Variants in CHD2 observed in about 807,000 individuals in gnomAD.
CHD2 encodes chromodomain helicase DNA binding protein 2.
CHD2 carries 28 observed loss-of-function variants against 243.9 expected under a neutral mutation model. The ratio of observed to expected loss-of-function variants is 0.11; its 90% CI spans 0.09 to 0.16. The LOEUF is 0.16. Among genes scored for constraint, CHD2 ranks in the 10% least tolerant of loss-of-function variants. The pLI is 1.00. For synonymous variants in CHD2, 775 were observed against 779.0 expected (o/e 0.99, Z 0.09); for missense variants, 1,386 against 2,209.8 (o/e 0.63, Z 7.47).
At chr15:93,005,561 T>G (rs1427796410) in intron 34 of CHD2, among the ~76,000 whole-genome samples, 1 of 152,302 alleles carries the variant, frequency 6.6e-6, no homozygotes, top group South Asian at 2.1e-4. Flanking sequence ...TCTTTCAAAT[T>G]TGAAAATACT....
intron 12 of CHD2, among the ~76,000 whole-genome samples, 199 bp from the exon 13 acceptor site, chr15:92,948,753 G>T (rs2053510782): frequency 6.6e-6 from 1 of 152,132 alleles, no homozygotes; most frequent in Admixed American, 6.5e-5. Flanking sequence ...GCAGGAGAAT[G>T]GCGTGAACCC....
intron 5 of CHD2, among the ~76,000 whole-genome samples, chr15:92,933,101 G>A (rs1008973390): frequency 7.6e-5 from 11 of 144,712 alleles, no homozygotes; most frequent in Non-Finnish European, 9.0e-5. Context: ...GTGCACATGT[G>A]TGGCCATAGC....
rs771629875 is a variant in CHD2 at position 92,974,970 on chromosome 15, G to C, written c.2577+20G>C. ...TCTGAGGTATACTATGCATGGCTTT[G>C]TTATTTGAGCAACTTGGGCTCTGCA... is the stretch of plus-strand genomic sequence containing the variant. On this transcript the variant is annotated intron_variant, in intron 20 of 38. Transcript: ENST00000394196. 39 of 1,605,186 alleles carry C rather than the reference G, an allele frequency of 2.4e-5. No homozygotes were observed. The highest frequency in any genetic ancestry group is 5.5e-5 in the South Asian group (5 of 90,680).
At chr15:92,970,403 G>C (rs2053825604) in intron 17 of CHD2, among the ~76,000 whole-genome samples, 1 of 152,116 alleles carries the variant, frequency 6.6e-6, no homozygotes, top group African/African-American at 2.4e-5. Flanking sequence ...GTTTCATCAT[G>C]TTGGTCAGGC....
At chr15:92,958,661 T>C (rs2053646381) in intron 16 of CHD2, among the ~76,000 whole-genome samples, 1 of 152,252 alleles carries the variant, frequency 6.6e-6, no homozygotes, top group African/African-American at 2.4e-5. Flanking sequence ...AGTCCCCAAC[T>C]TTCTATAGTT....
At chr15:92,938,332 T>C (rs931947016) in intron 6 of CHD2, among the ~76,000 whole-genome samples, 4 of 152,244 alleles carry the variant, frequency 2.6e-5, no homozygotes, top group Non-Finnish European at 5.9e-5. Context: ...TTAGTAGATA[T>C]ATATTGCAGT....
chr15:92,985,813 C>T (rs895723184), intron 26 of CHD2, 140 bp downstream of exon 26: 29 of 733,994 alleles, frequency 4.0e-5, no homozygotes, highest in African/African-American at 8.7e-5. Flanking sequence ...GGTCCTGTCC[C>T]AGATCTGTAG....
rs928325029 is a variant in CHD2 at position 93,005,611 on chromosome 15, T to C, written c.4413+860T>C. On this transcript the variant is annotated intron_variant, in intron 34 of 38. Transcript: ENST00000394196. ...GCAAAGGACCCTGTTGACCCTGTCC[T>C]GTAACCTCTCTCTGACTTCTTTCTC... is the stretch of plus-strand genomic sequence containing the variant. Among the ~76,000 whole-genome samples the C allele has an allele frequency of 4.6e-5, 7 of 152,356 alleles. No individual in the cohort carries two copies. In the South Asian group the frequency reaches 1.4e-3, roughly 32 times the overall value.
At chr15:93,012,784 C>T (rs964687762) in intron 36 of CHD2, among the ~76,000 whole-genome samples, 1 of 152,128 alleles carries the variant, frequency 6.6e-6, no homozygotes, top group Non-Finnish European at 1.5e-5. Flanking sequence ...TACTTTTTCT[C>T]TTCTTTTCTG....
chr15:93,021,462 ACTCT>A (rs887345496), intron 38 of CHD2: 3 of 151,724 alleles, frequency 2.0e-5, no homozygotes, highest in Admixed American at 6.6e-5. Flanking sequence ...CTGATCCCCC[ACTCT>A]CTCTTCTTCT....
chr15:92,912,724 A>T (rs1041732521), intron 2 of CHD2, among the ~76,000 whole-genome samples: 1 of 129,368 alleles, frequency 7.7e-6, no homozygotes, highest in African/African-American at 4.5e-5. Context: ...TAGTAGAGAC[A>T]GGGGTTTCAC....
At chr15:92,901,388 GCTGT>G in intron 2 of CHD2, 89 bp downstream of exon 2, 1 of 784,526 alleles carries the variant, frequency 1.3e-6, no homozygotes, top group Non-Finnish European at 2.2e-6. Context: ...GACATGGATT[GCTGT>G]CTGTTTTATT....
intron 35 of CHD2, 97 bp downstream of exon 35, chr15:93,009,420 A>G: frequency 1.6e-6 from 2 of 1,237,806 alleles, no homozygotes; most frequent in Non-Finnish European, 2.2e-6. Context: ...CACCTAAGAA[A>G]TCTTTCTCCC....
intron 4 of CHD2, among the ~76,000 whole-genome samples, chr15:92,928,756 C>T (rs1176703574): frequency 6.6e-6 from 1 of 152,160 alleles, no homozygotes; most frequent in African/African-American, 2.4e-5. Context: ...ACATTTACAT[C>T]GTTGCAGAAA....
intron 37 of CHD2, among the ~76,000 whole-genome samples, chr15:93,018,694 T>G (rs1032381243): frequency 7.9e-5 from 12 of 152,240 alleles, no homozygotes; most frequent in Admixed American, 5.9e-4. Context: ...CATGCCTCTC[T>G]TCTGCCTTCT....
chr15:92,942,809 T>C (rs1014766247), intron 8 of CHD2, 34 bp from the exon 9 acceptor site: 9 of 1,528,424 alleles, frequency 5.9e-6, no homozygotes, highest in South Asian at 2.5e-5. Context: ...TGGTGTAATA[T>C]ACTCTCTTTC....
chr15:92,903,853 T>G (rs555192806), intron 2 of CHD2, among the ~76,000 whole-genome samples: 10 of 152,314 alleles, frequency 6.6e-5, no homozygotes, highest in Admixed American at 2.0e-4. Context: ...CCAGATTTAT[T>G]TTTATAACCT....
intron 2 of CHD2, chr15:92,904,723 G>A: frequency 7.2e-7 from 1 of 1,396,312 alleles, no homozygotes; most frequent in Non-Finnish European, 9.3e-7. Context: ...TCTTAAAATA[G>A]AAAATTTGCC....
At chr15:92,978,494 C>A (rs961916342) in intron 21 of CHD2, 111 bp downstream of exon 21, 2 of 1,087,040 alleles carry the variant, frequency 1.8e-6, no homozygotes, top group Middle Eastern at 2.9e-4. Flanking sequence ...CTTTTATTTC[C>A]CCTGAAGCAT....
Sources: allele counts gnomAD v4.1 joint callset (sites outside exome capture counted in the v4.1 genomes callset), GRCh38; gene constraint gnomAD v4.1.1; transcripts MANE v1.5; gene names NCBI Gene and HGNC (gene_info 2026-07-23, HGNC 2026-07-21).